SPHKAP: variants seen among roughly 807,000 people sequenced by gnomAD.
SPHKAP encodes the protein SPHK1 interactor, AKAP domain containing.
A neutral mutation model predicts 137.5 loss-of-function variants in SPHKAP; 67 were observed. The ratio of observed to expected loss-of-function variants is 0.49; its 90% CI spans 0.40 to 0.60. SPHKAP has a LOEUF of 0.60. SPHKAP is among the 20% of genes least tolerant of loss of function. SPHKAP has a pLI of 0.00. For missense variants in SPHKAP, 2,097 were observed against 2,069.3 expected (o/e 1.01, Z -0.26); for synonymous variants, 813 against 785.3 (o/e 1.04, Z -0.59).
intron 3 of SPHKAP, among the ~76,000 whole-genome samples, chr2:228,037,207 C>T (rs1456175120): frequency 6.6e-6 from 1 of 151,804 alleles, no homozygotes; most frequent in Non-Finnish European, 1.5e-5. Flanking sequence ...GGTGTGATTT[C>T]CATGAAAAAA....
At chr2:228,114,352 T>C (rs1451587352) in intron 2 of SPHKAP, among the ~76,000 whole-genome samples, 1 of 152,116 alleles carries the variant, frequency 6.6e-6, no homozygotes, top group Non-Finnish European at 1.5e-5. Flanking sequence ...AGAAATAGAC[T>C]TTGGACACAG....
Position 228,019,654 on chromosome 2 carries a change from C to T in SPHKAP, c.1200G>A (p.Leu400=). ...GAGATAATCTAATAAATGCATCCTG[C>T]AGCACGGATTCTGCTAAATTTGTAG... is the stretch of plus-strand genomic sequence containing the variant. The part of the protein sequence containing the change: ...KYATNLAESV[L]QDAFIRLSQS... Residue 400 remains leucine (L), a synonymous_variant, in exon 7 of 12, where the codon CTG becomes CTA. Transcript: ENST00000392056. 1 of 1,614,096 alleles carries T rather than the reference C, an allele frequency of 6.2e-7. No homozygotes were observed. The highest frequency in any genetic ancestry group is 8.5e-7 in the Non-Finnish European group (1 of 1,179,970).
Position 228,018,584 on chromosome 2 carries a change from C to G in SPHKAP, c.2270G>C (p.Gly757Ala), listed in dbSNP as rs933955856. 2 of 1,613,786 alleles carry G rather than the reference C, an allele frequency of 1.2e-6. No homozygotes were observed. The highest frequency in any genetic ancestry group is 2.7e-5 in the African/African-American group (2 of 74,932). Residue 757 changes from glycine to alanine, a missense_variant, in exon 7 of 12, where the codon GGT (glycine) becomes GCT (alanine). Coordinates refer to ENST00000392056, the MANE Select transcript of SPHKAP (RefSeq NM_001142644.2). Reference sequence around the variant, plus strand: ...GGCTTTTGTCCAAGCTTGACTAGCACCCGGATCAGATGGCTGGCAGCTTGG... The same window carrying G: ...GGCTTTTGTCCAAGCTTGACTAGCAGCCGGATCAGATGGCTGGCAGCTTGG... ...TEPSCQPSDPGASQAWTKATE... is the reference protein window; with the variant it reads ...TEPSCQPSDPAASQAWTKATE...
chr2:227,980,140 G>A lies in SPHKAP; in HGVS notation c.*1577C>T, dbSNP rs1028058410. The A allele has an allele frequency of 5.2e-5, 8 of 152,636 alleles. No individual in the cohort carries two copies. The highest frequency in any genetic ancestry group is 1.9e-4 in the African/African-American group (8 of 41,448). 9.5% of individuals were successfully genotyped at this position (152,636 alleles called of 1,614,324 possible). ...TAAGTGTATTCTATTCCATTTGATA[G>A]CACAAAGAAGCACATTTCAGCGTGA... On this transcript the variant is annotated 3_prime_UTR_variant, in exon 12 of 12. Transcript: ENST00000392056.
rs189864992 is a variant in SPHKAP at position 228,031,681 on chromosome 2, C to A, written c.247-4138G>T. Among the ~76,000 whole-genome samples, 1,432 of 152,306 alleles carry A rather than the reference C, an allele frequency of 9.4e-3. 33 individuals are homozygous for A. Among genetic ancestry groups the A allele is most frequent in the African/African-American group, 0.033 (1,361 of 41,560 alleles). On this transcript the variant is annotated intron_variant, in intron 3 of 11. Coordinates refer to ENST00000392056, the MANE Select transcript of SPHKAP (RefSeq NM_001142644.2). ...CTCTGAGACAAAACTTCTAGAAGAA[C>A]GATCAGGCAGCAGCATTTGCAGTTC... is the stretch of plus-strand genomic sequence containing the variant.
intron 1 of SPHKAP, among the ~76,000 whole-genome samples, chr2:228,138,956 G>C (rs547371940): frequency 1.3e-5 from 2 of 151,828 alleles, no homozygotes; most frequent in African/African-American, 4.8e-5. Context: ...TTGCAGACCT[G>C]AGTTTGGGTT....
chr2:228,163,683 A>G (rs75404312), intron 1 of SPHKAP, among the ~76,000 whole-genome samples: 10,493 of 152,184 alleles, frequency 0.069, 1,169 homozygotes, highest in African/African-American at 0.24. Flanking sequence ...AGCAACAAAT[A>G]TTATGAAGAA....
chr2:228,108,399 T>G (rs1309385738), intron 3 of SPHKAP, among the ~76,000 whole-genome samples: 2 of 149,818 alleles, frequency 1.3e-5, no homozygotes, highest in East Asian at 3.9e-4. Context: ...GTTGAAAAGT[T>G]TTTTTCAAGG....
At chr2:227,987,921 G>A (rs142801073) in intron 11 of SPHKAP, among the ~76,000 whole-genome samples, 40 of 152,278 alleles carry the variant, frequency 2.6e-4, no homozygotes, top group Non-Finnish European at 5.1e-4. Flanking sequence ...TGTGAATATT[G>A]TCCAATACCC....
chr2:228,147,557 T>C (rs35529694), intron 1 of SPHKAP, among the ~76,000 whole-genome samples: 13,869 of 152,236 alleles, frequency 0.091, 802 homozygotes, highest in Middle Eastern at 0.13. Context: ...GATACTACTA[T>C]GCAGAAGTCA....
chr2:228,080,157 G>A (rs927136934), intron 3 of SPHKAP, among the ~76,000 whole-genome samples: 18 of 151,842 alleles, frequency 1.2e-4, no homozygotes, highest in African/African-American at 3.6e-4. Context: ...CTTCTGCACC[G>A]CCAAGGAAAC....
At chr2:228,156,474 A>G (rs1700110649) in intron 1 of SPHKAP, among the ~76,000 whole-genome samples, 1 of 152,218 alleles carries the variant, frequency 6.6e-6, no homozygotes, top group Non-Finnish European at 1.5e-5. Context: ...TCAAAATGGG[A>G]TATCTTTCTA....
rs752905343 is a variant in SPHKAP, at chr2:227,993,516, A to G, written c.4721+18T>C. 7.6e-6 allele frequency: 12 copies of G among 1,585,702 alleles called. No individual in the cohort carries two copies. Among genetic ancestry groups the G allele is most frequent in the Admixed American group, 1.8e-5 (1 of 56,350 alleles). On this transcript the variant is annotated intron_variant, in intron 9 of 11. Transcript: ENST00000392056. ...GGAGTAGTGGTCTCACAATCACTGCATCTCAGTGGCTACTTACTTAATCAT... is the reference window on the plus strand; with the variant it reads ...GGAGTAGTGGTCTCACAATCACTGCGTCTCAGTGGCTACTTACTTAATCAT...
At chr2:228,050,460 G>A (rs780818824) in intron 3 of SPHKAP, among the ~76,000 whole-genome samples, 3 of 151,922 alleles carry the variant, frequency 2.0e-5, no homozygotes, top group Non-Finnish European at 4.4e-5. Context: ...TACCATATGC[G>A]GATGGAATCA....
intron 2 of SPHKAP, among the ~76,000 whole-genome samples, chr2:228,113,796 T>C (rs954448662): frequency 4.6e-5 from 7 of 152,050 alleles, no homozygotes; most frequent in African/African-American, 1.7e-4. Flanking sequence ...CCAAATACCA[T>C]GTAAGTCTCC....
chr2:228,061,963 TA>T (rs1483710227), intron 3 of SPHKAP, among the ~76,000 whole-genome samples: 1 of 152,128 alleles, frequency 6.6e-6, no homozygotes, highest in Non-Finnish European at 1.5e-5. Flanking sequence ...ACCCTCAGTT[TA>T]AAATTAGCTG....
intron 7 of SPHKAP, among the ~76,000 whole-genome samples, chr2:228,013,603 T>A (rs1288913395): frequency 6.6e-6 from 1 of 152,158 alleles, no homozygotes; most frequent in Non-Finnish European, 1.5e-5. Flanking sequence ...ATACCCTAAC[T>A]CCAAACAGCA....
At chr2:228,063,143 C>CCTATCTACCTAT (rs71412159) in intron 3 of SPHKAP, among the ~76,000 whole-genome samples, 4 of 145,858 alleles carry the variant, frequency 2.7e-5, no homozygotes, top group Non-Finnish European at 6.0e-5. Flanking sequence ...TAGATAGATC[C>CCTATCTACCTAT]CTATCTATCT....
chr2:228,033,699 T>A lies in SPHKAP; in HGVS notation c.247-6156A>T, dbSNP rs547477718. Among the ~76,000 whole-genome samples the A allele has an allele frequency of 7.9e-5, 12 of 152,206 alleles. No homozygotes were observed. The East Asian group carries it at 1.2e-3, about 15-fold the overall frequency. On this transcript the variant is annotated intron_variant, in intron 3 of 11. Coordinates refer to ENST00000392056, the MANE Select transcript of SPHKAP (RefSeq NM_001142644.2). ...ACTTTCTCTCAGACCACAGTGCAATTAAACTAGAACTCAGGACTAAGAAAC... is the reference window on the plus strand; with the variant it reads ...ACTTTCTCTCAGACCACAGTGCAATAAAACTAGAACTCAGGACTAAGAAAC...
Sources: gnomAD v4.1 joint callset for allele counts (sites outside exome capture counted in the v4.1 genomes callset) on GRCh38, gnomAD v4.1.1 for gene constraint, MANE v1.5 for transcripts, NCBI Gene and HGNC (gene_info 2026-07-23, HGNC 2026-07-21) for gene names.